Variants in DMD observed in about 807,000 individuals in gnomAD.
DMD encodes the protein dystrophin, also known as mutant dystrophin.
Under a neutral mutation model 330.1 loss-of-function variants are expected in DMD, and 63 were observed. That is an observed-to-expected ratio of 0.19 (90% CI 0.16 to 0.24). The LOEUF (loss-of-function observed/expected upper bound fraction) is 0.24, where lower values mean the gene tolerates loss of function less well. Ranked by LOEUF, DMD falls within the 10% of genes least tolerant of loss-of-function variation. The probability of loss-of-function intolerance (pLI) is 1.00; values close to 1 mark genes in which losing one functional copy is unlikely to be tolerated. For synonymous variants in DMD, 1,223 were observed against 959.8 expected, an observed-to-expected ratio of 1.27 and a Z score of -5.07; for missense variants, 3,344 against 2,684.1, an observed-to-expected ratio of 1.25 and a Z score of -5.43.
At chrX:31,315,115 C>T (rs1315692506) in intron 62 of DMD, among the ~76,000 whole-genome samples, 1 of 111,600 alleles carries the variant, frequency 9.0e-6, no homozygotes, top group Non-Finnish European at 1.9e-5. Context: ...AGGAGAGGCC[C>T]GGGAATGTTT....
rs1271661140 is a variant in DMD, at chrX:33,288,539, TC to T, written c.7+50719del. On this transcript the variant is annotated intron_variant, in intron 1 of 17. Coordinates refer to the DMD transcript ENST00000288447. ...CCCAAGTGTACATCCCATTGTGACA[TC>T]CCCTCAAATTGTTCAATGGCCTCCT... 6.3e-5 allele frequency among the ~76,000 whole-genome samples: 7 copies of T among 110,958 alleles called. No homozygotes were observed. The East Asian group carries it at 2.0e-3, about 32-fold the overall frequency.
At chrX:32,262,414 T>C in intron 43 of DMD, among the ~76,000 whole-genome samples, 1 of 111,740 alleles carries the variant, frequency 8.9e-6, no homozygotes, top group South Asian at 3.8e-4. Context: ...ATGTTTATTA[T>C]CTTGACTGTG....
chrX:33,000,960 T>G (rs925457570), intron 2 of DMD, among the ~76,000 whole-genome samples: 1 of 111,508 alleles, frequency 9.0e-6, no homozygotes, highest in South Asian at 3.7e-4. Context: ...TTATTCTATA[T>G]TTTTTATTAT....
At chrX:32,536,275 A>AC (rs2047963780) in intron 17 of DMD, among the ~76,000 whole-genome samples, 1 of 106,330 alleles carries the variant, frequency 9.4e-6, no homozygotes, top group Non-Finnish European at 1.9e-5. Flanking sequence ...AAAAAAAAAA[A>AC]AAAAAAAAAA....
chrX:32,343,592 T>G lies in DMD; in HGVS notation c.5587-306A>C, dbSNP rs1456731. 0.5 allele frequency among the ~76,000 whole-genome samples: 54,824 copies of G among 109,809 alleles called. 11,051 individuals carry two copies. Among genetic ancestry groups the G allele is most frequent in the South Asian group, 0.75 (1,912 of 2,560 alleles). On this transcript the variant is annotated intron_variant, in intron 39 of 78. Coordinates refer to ENST00000357033, the MANE Select transcript of DMD (RefSeq NM_004006.3). ...TGAGCTAACTGTTGTGTAGTTTATG[T>G]GCAAGAGTTTAATATACGAATACAA...
intron 67 of DMD, among the ~76,000 whole-genome samples, chrX:31,192,029 G>A (rs1237074252): frequency 1.8e-5 from 2 of 112,335 alleles, no homozygotes; most frequent in Non-Finnish European, 3.8e-5. Flanking sequence ...GGGTCAGACA[G>A]TATAGGACAG....
At chrX:32,542,364 G>A (rs745669135) in intron 17 of DMD, among the ~76,000 whole-genome samples, 9 of 111,830 alleles carry the variant, frequency 8.0e-5, no homozygotes, top group African/African-American at 2.3e-4. Flanking sequence ...ACCAGGAGGC[G>A]GAGGTTGCAG....
At chrX:32,592,313 T>A (rs974915581) in intron 13 of DMD, among the ~76,000 whole-genome samples, 3 of 110,612 alleles carry the variant, frequency 2.7e-5, no homozygotes, top group Non-Finnish European at 1.9e-5. Flanking sequence ...CCAATTAGAA[T>A]GTACCTCCTC....
chrX:32,489,322 G>A (rs149534841), intron 20 of DMD, among the ~76,000 whole-genome samples: 12 of 108,163 alleles, frequency 1.1e-4, no homozygotes, highest in East Asian at 2.9e-4. Context: ...TTTATATGAC[G>A]TCATCAGGGT....
intron 55 of DMD, among the ~76,000 whole-genome samples, chrX:31,529,777 G>A (rs138462303): frequency 0.075 from 8,298 of 110,825 alleles, 264 homozygotes; most frequent in East Asian, 0.13. Context: ...ATGAAAAGAG[G>A]GCCAATAACA....
intron 54 of DMD, among the ~76,000 whole-genome samples, chrX:31,649,062 T>C (rs2080282142): frequency 9.0e-6 from 1 of 111,651 alleles, no homozygotes; most frequent in Non-Finnish European, 1.9e-5. Context: ...TGATGGGTAT[T>C]GTAGCTAACA....
intron 1 of DMD, among the ~76,000 whole-genome samples, chrX:33,169,076 A>T (rs1313646980): frequency 6.1e-5 from 6 of 97,732 alleles, no homozygotes; most frequent in African/African-American, 2.0e-4. Context: ...TACCTTCAAC[A>T]GTATTGGGGC....
At chrX:31,319,717 T>C (rs2056288744) in intron 62 of DMD, among the ~76,000 whole-genome samples, 1 of 112,651 alleles carries the variant, frequency 8.9e-6, no homozygotes, top group African/African-American at 3.2e-5. Context: ...TTTCTTATGC[T>C]TTTATTATGA....
chrX:32,277,647 G>A (rs779887307), intron 43 of DMD, among the ~76,000 whole-genome samples: 58 of 111,125 alleles, frequency 5.2e-4, no homozygotes, highest in African/African-American at 1.7e-3. Context: ...AATGAGACTA[G>A]AAATCAACAA....
chrX:31,430,086 G>A (rs1032506511), intron 60 of DMD, among the ~76,000 whole-genome samples: 5 of 111,033 alleles, frequency 4.5e-5, no homozygotes, highest in South Asian at 3.9e-4. Flanking sequence ...CTAAAATTGC[G>A]TAATATGACC....
At chrX:33,339,362 T>C (rs760997606) in exon 1 of DMD, 10 of 932,168 alleles carry the variant, frequency 1.1e-5, no homozygotes, top group Non-Finnish European at 1.4e-5. Flanking sequence ...GATTCTGTCA[T>C]CTTCCTGAAA....
intron 26 of DMD, among the ~76,000 whole-genome samples, chrX:32,449,226 CT>C (rs1233819926): frequency 2.7e-5 from 3 of 110,732 alleles, no homozygotes; most frequent in Non-Finnish European, 5.7e-5. Flanking sequence ...CCAGCTATGC[CT>C]TGGTCTTCTC....
intron 12 of DMD, among the ~76,000 whole-genome samples, chrX:32,603,752 G>A (rs2056428384): frequency 9.0e-6 from 1 of 110,671 alleles, no homozygotes; most frequent in African/African-American, 3.3e-5. Flanking sequence ...TAGAAAATCT[G>A]GAGGAAATGA....
intron 18 of DMD, 62 bp from the exon 19 acceptor site, chrX:32,501,904 A>G (rs752338929): frequency 1.6e-5 from 14 of 877,968 alleles, no homozygotes; most frequent in Non-Finnish European, 2.1e-5. Context: ...CACAATAATT[A>G]TAACTTCTAC....
Sources: allele counts gnomAD v4.1 joint callset (sites outside exome capture counted in the v4.1 genomes callset), GRCh38; gene constraint gnomAD v4.1.1; transcripts MANE v1.5; gene names NCBI Gene and HGNC (gene_info 2026-07-23, HGNC 2026-07-21).